The following INPP4B variants were observed in gnomAD, a reference collection of about 807,000 sequenced individuals.
The protein encoded by INPP4B is inositol polyphosphate-4-phosphatase type II B, also known as inositol polyphosphate 4-phosphatase type II.
INPP4B carries 55 observed loss-of-function variants against 122.5 expected under a neutral mutation model. The observed-to-expected ratio is 0.45, with a 90% confidence interval of 0.36 to 0.56. The LOEUF (loss-of-function observed/expected upper bound fraction) is 0.56, where lower values mean the gene tolerates loss of function less well. Ranked by LOEUF, INPP4B falls within the 20% of genes least tolerant of loss-of-function variation. The pLI, the probability that INPP4B is intolerant of heterozygous loss-of-function variation, is 0.00. For synonymous variants in INPP4B, 403 were observed against 388.7 expected (o/e 1.04, Z -0.43); for missense variants, 1,000 against 1,097.7 (o/e 0.91, Z 1.26).
chr4:142,645,191 T>C (rs536224229), intron 2 of INPP4B, among the ~76,000 whole-genome samples: 26 of 152,262 alleles, frequency 1.7e-4, no homozygotes, highest in African/African-American at 4.3e-4. Flanking sequence ...GATAATGAGT[T>C]TCAGAAAATT....
chr4:142,297,926 A>G (rs1264454404), intron 9 of INPP4B, among the ~76,000 whole-genome samples: 1 of 152,194 alleles, frequency 6.6e-6, no homozygotes, highest in Non-Finnish European at 1.5e-5. Flanking sequence ...TTGGAACTTC[A>G]CTACATTTAT....
intron 2 of INPP4B, among the ~76,000 whole-genome samples, chr4:142,723,606 A>T (rs937416904): frequency 6.6e-6 from 1 of 152,130 alleles, no homozygotes; most frequent in East Asian, 1.9e-4. Flanking sequence ...CTGCACACAT[A>T]AAAGTGTCGG....
intron 11 of INPP4B, among the ~76,000 whole-genome samples, chr4:142,256,950 T>G (rs551780268): frequency 1.3e-5 from 2 of 152,046 alleles, no homozygotes; most frequent in Non-Finnish European, 2.9e-5. Flanking sequence ...GATGCAAAAA[T>G]CCTCAATGAA....
intron 25 of INPP4B, among the ~76,000 whole-genome samples, chr4:142,038,144 C>CA (rs1745120121): frequency 6.6e-6 from 1 of 152,098 alleles, no homozygotes; most frequent in African/African-American, 2.4e-5. Context: ...CCAAAGATTA[C>CA]ATTTATAATT....
chr4:142,782,780 G>T (rs1775083717), intron 1 of INPP4B, among the ~76,000 whole-genome samples: 1 of 152,156 alleles, frequency 6.6e-6, no homozygotes, highest in South Asian at 2.1e-4. Context: ...CAAGGCTACA[G>T]TAACCAAAAC....
intron 7 of INPP4B, among the ~76,000 whole-genome samples, chr4:142,367,428 A>G (rs1425955353): frequency 3.3e-5 from 5 of 152,104 alleles, no homozygotes; most frequent in African/African-American, 9.7e-5. Flanking sequence ...ACAATTACAT[A>G]TGGAACTCTT....
chr4:142,256,520 G>T (rs1174636243), intron 11 of INPP4B, among the ~76,000 whole-genome samples: 2 of 152,010 alleles, frequency 1.3e-5, no homozygotes, highest in Non-Finnish European at 2.9e-5. Flanking sequence ...TGACAAAGGG[G>T]ATATCACCAC....
intron 10 of INPP4B, among the ~76,000 whole-genome samples, chr4:142,265,735 T>G (rs1408603871): frequency 6.6e-6 from 1 of 152,204 alleles, no homozygotes; most frequent in East Asian, 1.9e-4. Flanking sequence ...TGTTTACCAT[T>G]TTAGTCAGCT....
intron 2 of INPP4B, among the ~76,000 whole-genome samples, chr4:142,487,680 A>G (rs1821372534): frequency 6.6e-6 from 1 of 152,134 alleles, no homozygotes; most frequent in Non-Finnish European, 1.5e-5. Context: ...AGAGTATTTT[A>G]CGTTTGGGGG....
chr4:142,523,861 T>G (rs1375510233), intron 2 of INPP4B, among the ~76,000 whole-genome samples: 1 of 137,238 alleles, frequency 7.3e-6, no homozygotes, highest in Non-Finnish European at 1.5e-5. Context: ...CCTGAGTCCA[T>G]GTGATCTCAT....
intron 9 of INPP4B, among the ~76,000 whole-genome samples, chr4:142,293,545 C>A (rs1757339669): frequency 6.6e-6 from 1 of 152,074 alleles, no homozygotes; most frequent in Non-Finnish European, 1.5e-5. Context: ...TCTCTTCTAC[C>A]TTCTTAAAAT....
intron 23 of INPP4B, among the ~76,000 whole-genome samples, chr4:142,086,542 C>T (rs960382737): frequency 9.2e-5 from 14 of 152,078 alleles, no homozygotes; most frequent in African/African-American, 3.4e-4. Context: ...TTTGCAGAGA[C>T]AGGGTTTGGC....
intron 11 of INPP4B, among the ~76,000 whole-genome samples, chr4:142,242,128 C>T (rs980259336): frequency 6.6e-6 from 1 of 152,106 alleles, no homozygotes; most frequent in Non-Finnish European, 1.5e-5. Flanking sequence ...AGTCTGTAAT[C>T]CAATTAGACA....
chr4:142,435,283 T>TAAAAA (rs1311459754), intron 3 of INPP4B, among the ~76,000 whole-genome samples: 2 of 152,168 alleles, frequency 1.3e-5, no homozygotes, highest in African/African-American at 4.8e-5. Flanking sequence ...TTTTGTTTTG[T>TAAAAA]GCTCTCACTT....
intron 7 of INPP4B, among the ~76,000 whole-genome samples, chr4:142,398,268 C>T (rs1354477643): frequency 6.8e-6 from 1 of 148,024 alleles, no homozygotes; most frequent in Non-Finnish European, 1.5e-5. Context: ...GTCCCAGCTA[C>T]TCGGGAGGCT....
At chr4:142,404,682 G>T (rs930083690) in intron 6 of INPP4B, among the ~76,000 whole-genome samples, 1 of 152,010 alleles carries the variant, frequency 6.6e-6, no homozygotes, top group Non-Finnish European at 1.5e-5. Flanking sequence ...GAAAAACATC[G>T]TAAGTTGAAA....
intron 2 of INPP4B, among the ~76,000 whole-genome samples, chr4:142,592,684 T>G (rs1468450114): frequency 6.6e-6 from 1 of 152,230 alleles, no homozygotes; most frequent in African/African-American, 2.4e-5. Flanking sequence ...CATCATTTTT[T>G]TCTTTTTAAG....
At chr4:142,624,407 A>C (rs949839820) in intron 2 of INPP4B, among the ~76,000 whole-genome samples, 99 of 151,286 alleles carry the variant, frequency 6.5e-4, no homozygotes, top group African/African-American at 2.3e-3. Flanking sequence ...CCACTTTTTG[A>C]TGGGGTTGTT....
At chr4:142,230,111 A>T (rs1424355134) in intron 12 of INPP4B, among the ~76,000 whole-genome samples, 2 of 152,220 alleles carry the variant, frequency 1.3e-5, no homozygotes, top group Non-Finnish European at 2.9e-5. Flanking sequence ...TCACCAAGAA[A>T]TAACCATTGT....
Sources: gnomAD v4.1 joint callset for allele counts (sites outside exome capture counted in the v4.1 genomes callset) on GRCh38, gnomAD v4.1.1 for gene constraint, MANE v1.5 for transcripts, NCBI Gene and HGNC (gene_info 2026-07-23, HGNC 2026-07-21) for gene names.